Variants in FGD4 observed in about 807,000 individuals in gnomAD.
FGD4 encodes the protein FYVE, RhoGEF and PH domain containing 4, also known as FYVE, RhoGEF and PH domain-containing protein 4.
Under a neutral mutation model 102.0 loss-of-function variants are expected in FGD4, and 42 were observed. The observed-to-expected ratio is 0.41, with a 90% CI of 0.32 to 0.53. The LOEUF is 0.53. Among genes scored for constraint, FGD4 ranks in the 20% least tolerant of loss-of-function variants. FGD4 has a pLI of 0.21. For missense variants in FGD4, 902 were observed against 1,078.2 expected (o/e 0.84, Z 2.29); for synonymous variants, 380 against 375.7 (o/e 1.01, Z -0.13).
intron 11 of FGD4, 71 bp downstream of exon 11, chr12:32,619,941 C>T: frequency 1.3e-6 from 2 of 1,561,374 alleles, no homozygotes; most frequent in Non-Finnish European, 1.8e-6. Flanking sequence ...AATAGAATGG[C>T]TCTGAGGGTT....
intron 1 of FGD4, among the ~76,000 whole-genome samples, chr12:32,542,206 G>A (rs887165675): frequency 3.3e-5 from 5 of 152,150 alleles, no homozygotes; most frequent in Non-Finnish European, 5.9e-5. Context: ...CAACACAGTA[G>A]GCTGAGGTAG....
intron 1 of FGD4, among the ~76,000 whole-genome samples, chr12:32,483,210 A>G (rs1046577967): frequency 1.6e-4 from 24 of 152,224 alleles, no homozygotes; most frequent in African/African-American, 5.8e-4. Context: ...AAATTCAAGC[A>G]TGTGTGAGTA....
At chr12:32,560,538 C>T (rs1387666949) in intron 1 of FGD4, among the ~76,000 whole-genome samples, 2 of 152,148 alleles carry the variant, frequency 1.3e-5, no homozygotes, top group Non-Finnish European at 2.9e-5. Context: ...TTACGTGAGC[C>T]ACTGCACCCA....
Position 32,437,939 on chromosome 12 carries a change from C to T in FGD4, c.166+37980C>T, listed in dbSNP as rs561245918. On this transcript the variant is annotated intron_variant, in intron 1 of 16. Transcript: ENST00000534526. ...ACAGAGTCTTGCTCTGTCACCCAGGCTGGAGTGCAGTGGCGCAATCTCAGC... is the reference window on the plus strand; with the variant it reads ...ACAGAGTCTTGCTCTGTCACCCAGGTTGGAGTGCAGTGGCGCAATCTCAGC... Among the ~76,000 whole-genome samples, 18 of 152,306 alleles carry T rather than the reference C, an allele frequency of 1.2e-4. No individual in the cohort carries two copies. In the East Asian group the frequency reaches 2.9e-3, roughly 24 times the overall value.
chr12:32,454,071 A>G lies in FGD4; in HGVS notation c.166+54112A>G, dbSNP rs550223985. Among the ~76,000 whole-genome samples the G allele has an allele frequency of 2.9e-4, 42 of 142,666 alleles. No homozygotes were observed. The South Asian group carries it at 4.4e-3, about 15-fold the overall frequency. The allele number at this position is 142,666 out of a possible 152,430, so 93.6% of individuals were successfully genotyped here. On this transcript the variant is annotated intron_variant, in intron 1 of 16. Coordinates refer to ENST00000534526, the MANE Select transcript of FGD4 (RefSeq NM_001370298.3). Reference sequence around the variant, plus strand: ...ACTGAAGATAAAATGTGAAATGATTAAAAAAAAAAAGGTTTATTTCCTAAC... The same window carrying G: ...ACTGAAGATAAAATGTGAAATGATTGAAAAAAAAAAGGTTTATTTCCTAAC...
At chr12:32,469,388 C>T (rs7958829) in intron 1 of FGD4, among the ~76,000 whole-genome samples, 20,356 of 151,698 alleles carry the variant, frequency 0.13, 1,446 homozygotes, top group Non-Finnish European at 0.17. Flanking sequence ...AAGGAATTCT[C>T]CTGCCTCAGC....
chr12:32,633,739 G>A (rs931904756), intron 15 of FGD4, 50 bp downstream of exon 15: 40 of 1,505,406 alleles, frequency 2.7e-5, no homozygotes, highest in Admixed American at 6.9e-5. Context: ...TTTTCCCAAC[G>A]GACTCTCGCT....
intron 1 of FGD4, among the ~76,000 whole-genome samples, chr12:32,481,155 A>AAAAAAAAAAC: frequency 6.7e-6 from 1 of 149,088 alleles, no homozygotes; most frequent in Non-Finnish European, 1.5e-5. Context: ...AAAAAAAAAA[A>AAAAAAAAAAC]AAGCCGGGCG....
At chr12:32,510,917 T>C (rs1939296779) in intron 1 of FGD4, among the ~76,000 whole-genome samples, 1 of 152,208 alleles carries the variant, frequency 6.6e-6, no homozygotes. Context: ...GGGAAGATAC[T>C]GTAATGATAC....
intron 4 of FGD4, among the ~76,000 whole-genome samples, chr12:32,591,375 C>T (rs996061613): frequency 6.6e-6 from 1 of 152,172 alleles, no homozygotes; most frequent in East Asian, 1.9e-4. Context: ...AAAATTCTTC[C>T]TACCTAAAAT....
intron 1 of FGD4, among the ~76,000 whole-genome samples, chr12:32,404,821 G>A (rs1346087523): frequency 3.3e-5 from 5 of 152,150 alleles, no homozygotes; most frequent in African/African-American, 1.2e-4. Context: ...GTGTGCATGT[G>A]CATGAATATC....
chr12:32,587,989 A>G (rs757627005), intron 4 of FGD4, among the ~76,000 whole-genome samples: 40 of 152,230 alleles, frequency 2.6e-4, no homozygotes, highest in Admixed American at 2.0e-4. Flanking sequence ...GAAATGGGCC[A>G]AGAGTTGAGC....
intron 1 of FGD4, among the ~76,000 whole-genome samples, chr12:32,441,396 G>A (rs1400247811): frequency 6.6e-6 from 1 of 151,980 alleles, no homozygotes; most frequent in East Asian, 1.9e-4. Flanking sequence ...TTCCTTCAAG[G>A]CAGCGGGTTC....
intron 1 of FGD4, among the ~76,000 whole-genome samples, chr12:32,498,152 C>A (rs1240004228): frequency 6.6e-6 from 1 of 152,192 alleles, no homozygotes. Flanking sequence ...AGGGCTTAAA[C>A]ACATAACTCC....
intron 10 of FGD4, among the ~76,000 whole-genome samples, chr12:32,614,725 CA>C (rs1383295990): frequency 4.6e-5 from 7 of 152,156 alleles, no homozygotes; most frequent in Non-Finnish European, 5.9e-5. Flanking sequence ...AAAGGACACC[CA>C]TTTTCTTCAG....
In FGD4 at chr12:32,399,867, C is replaced by T. The variant is rs921770624; in HGVS notation, c.74C>T (p.Pro25Leu). The change falls in exon 1 of 17, where the codon CCC (proline) becomes CTC (leucine). Residue 25 changes from proline to leucine, a missense_variant. By Grantham distance (98) the Pro-to-Leu change is moderately conservative. Transcript: ENST00000534526. ...RRKSNPSYLP[P>L]GVPRPWSRPA... Reference sequence around the variant, plus strand: ...AAGTCCAACCCCTCCTACCTGCCGCCCGGGGTGCCCCGGCCCTGGAGCAGG... The same window carrying T: ...AAGTCCAACCCCTCCTACCTGCCGCTCGGGGTGCCCCGGCCCTGGAGCAGG... 1.8e-5 allele frequency: 28 copies of T among 1,531,148 alleles called. No homozygotes were observed. Among genetic ancestry groups the T allele is most frequent in the Non-Finnish European group, 2.4e-5 (27 of 1,145,172 alleles). The allele number at this position is 1,531,148 out of a possible 1,614,324, so 94.8% of individuals were successfully genotyped here.
At chr12:32,400,276 C>T (rs1277711398) in intron 1 of FGD4, among the ~76,000 whole-genome samples, 1 of 152,220 alleles carries the variant, frequency 6.6e-6, no homozygotes, top group Admixed American at 6.5e-5. Flanking sequence ...AGTTTTCTAG[C>T]TACTGAAGCT....
Position 32,399,865 on chromosome 12 carries a change from G to T in FGD4, c.72G>T (p.Pro24=). The T allele has an allele frequency of 1.3e-6, 2 of 1,531,042 alleles. No individual in the cohort carries two copies. Among genetic ancestry groups the T allele is most frequent in the Non-Finnish European group, 1.7e-6 (2 of 1,145,148 alleles). 94.8% of individuals were successfully genotyped at this position (1,531,042 alleles called of 1,614,324 possible). The change falls in exon 1 of 17, where the codon CCG becomes CCT. Residue 24 remains proline (P), a synonymous_variant. Coordinates refer to ENST00000534526, the MANE Select transcript of FGD4 (RefSeq NM_001370298.3). ...GGAAGTCCAACCCCTCCTACCTGCC[G>T]CCCGGGGTGCCCCGGCCCTGGAGCA... is the stretch of plus-strand genomic sequence containing the variant. ...IRRKSNPSYL[P]PGVPRPWSRP...
At chr12:32,568,878 AT>A (rs918524609) in intron 2 of FGD4, among the ~76,000 whole-genome samples, 19 of 152,174 alleles carry the variant, frequency 1.2e-4, no homozygotes, top group African/African-American at 4.6e-4. Context: ...TGAATGATCA[AT>A]TTTTTTTCCT....
Sources: allele counts gnomAD v4.1 joint callset (sites outside exome capture counted in the v4.1 genomes callset), GRCh38; gene constraint gnomAD v4.1.1; transcripts MANE v1.5; gene names NCBI Gene and HGNC (gene_info 2026-07-23, HGNC 2026-07-21).